The following LCMT1 variants were observed in gnomAD, a reference collection of about 807,000 sequenced individuals.
The protein encoded by LCMT1 is [Phosphatase 2A protein]-leucine-carboxy methyltransferase 1.
In LCMT1, 32 loss-of-function variants were observed where a neutral mutation model predicts 47.7. The ratio of observed to expected loss-of-function variants is 0.67; its 90% confidence interval spans 0.51 to 0.90. The LOEUF (loss-of-function observed/expected upper bound fraction) is 0.90. Among genes scored for constraint, LCMT1 ranks in the 40% least tolerant of loss-of-function variants. LCMT1 has a pLI of 0.00. For missense variants in LCMT1, 375 were observed against 415.2 expected, an observed-to-expected ratio of 0.90 and a Z score of 0.84; for synonymous variants, 152 against 149.7, an observed-to-expected ratio of 1.02 and a Z score of -0.11.
intron 3 of LCMT1, among the ~76,000 whole-genome samples, chr16:25,135,636 C>T (rs1960482726): frequency 6.6e-6 from 1 of 152,138 alleles, no homozygotes; most frequent in South Asian, 2.1e-4. Flanking sequence ...CACCTTCCAG[C>T]CGGAATGGTT....
intron 3 of LCMT1, among the ~76,000 whole-genome samples, chr16:25,134,307 C>T (rs1031618198): frequency 2.6e-5 from 4 of 152,154 alleles, no homozygotes; most frequent in Non-Finnish European, 4.4e-5. Context: ...ATTTCTTTGC[C>T]TCTGCATTCT....
In LCMT1 at chr16:25,131,704, C is replaced by T. The variant is rs79449629; in HGVS notation, c.206-698C>T. Among the ~76,000 whole-genome samples the T allele has an allele frequency of 9.1e-3, 1,386 of 152,212 alleles. 20 individuals carry two copies. The highest frequency in any genetic ancestry group is 0.031 in the African/African-American group (1,276 of 41,528). ...TCTTCTTTATTTCCATCTCCTTTTCCCCAACCCTCCACCCGAAAACTTAAC... is the reference window on the plus strand; with the variant it reads ...TCTTCTTTATTTCCATCTCCTTTTCTCCAACCCTCCACCCGAAAACTTAAC... On this transcript the variant is annotated intron_variant, in intron 2 of 10. Coordinates refer to ENST00000399069, the MANE Select transcript of LCMT1 (RefSeq NM_016309.3).
At chr16:25,134,008 G>A (rs1960430129) in intron 3 of LCMT1, among the ~76,000 whole-genome samples, 1 of 150,438 alleles carries the variant, frequency 6.6e-6, no homozygotes, top group Admixed American at 6.6e-5. Context: ...CTCCAGCCTG[G>A]GCGACGAGTG....
intron 2 of LCMT1, among the ~76,000 whole-genome samples, chr16:25,129,379 C>A (rs372217050): frequency 1.3e-5 from 2 of 151,192 alleles, no homozygotes; most frequent in African/African-American, 4.9e-5. Context: ...TTAATGAATT[C>A]AAAAAAAAGT....
chr16:25,172,006 C>A (rs1961789490), intron 9 of LCMT1, among the ~76,000 whole-genome samples: 1 of 151,926 alleles, frequency 6.6e-6, no homozygotes, highest in South Asian at 2.1e-4. Flanking sequence ...TTGCCATATC[C>A]CATTTAAGGG....
Position 25,178,139 on chromosome 16 carries a change from G to A in LCMT1, c.*116G>A, listed in dbSNP as rs753389428. ...TCCGCAGGTCTCATCCCACACTCTT[G>A]AGAAGCCTTGGTCACTACAGTGGTC... is the stretch of plus-strand genomic sequence containing the variant. On this transcript the variant is annotated 3_prime_UTR_variant, in exon 11 of 11. Transcript: ENST00000399069. 21 of 883,056 alleles carry A rather than the reference G, an allele frequency of 2.4e-5. No individual in the cohort carries two copies. The African/African-American group carries it at 3.4e-4, about 14-fold the overall frequency. 54.7% of individuals were successfully genotyped at this position (883,056 alleles called of 1,614,324 possible).
chr16:25,124,034 A>G (rs764422827), intron 1 of LCMT1, among the ~76,000 whole-genome samples: 19 of 152,196 alleles, frequency 1.2e-4, no homozygotes, highest in Non-Finnish European at 2.4e-4. Context: ...TTACCAGGGA[A>G]TTACTGAGTA....
intron 3 of LCMT1, among the ~76,000 whole-genome samples, chr16:25,135,293 C>CTA (rs753534387): frequency 0.14 from 18,779 of 131,726 alleles, 1,524 homozygotes; most frequent in Non-Finnish European, 0.21. Context: ...AAATATATAT[C>CTA]TATATATATA....
At chr16:25,156,822 C>T (rs1030112904) in intron 5 of LCMT1, among the ~76,000 whole-genome samples, 1 of 152,046 alleles carries the variant, frequency 6.6e-6, no homozygotes, top group Non-Finnish European at 1.5e-5. Context: ...ACCATGTCTT[C>T]TTGTTCATCA....
At chr16:25,130,788 C>G (rs1377973966) in intron 2 of LCMT1, among the ~76,000 whole-genome samples, 1 of 152,192 alleles carries the variant, frequency 6.6e-6, no homozygotes, top group African/African-American at 2.4e-5. Flanking sequence ...GTTTCAGATG[C>G]CTGCCCCTTA....
chr16:25,138,045 G>T (rs958236667), intron 3 of LCMT1, among the ~76,000 whole-genome samples: 1 of 152,168 alleles, frequency 6.6e-6, no homozygotes, highest in Admixed American at 6.5e-5. Flanking sequence ...CAGAAACAAG[G>T]TGTCACCCTA....
At chr16:25,125,561 G>A (rs868195746) in intron 1 of LCMT1, among the ~76,000 whole-genome samples, 11 of 152,068 alleles carry the variant, frequency 7.2e-5, no homozygotes, top group African/African-American at 1.4e-4. Context: ...TGGGTCGGGC[G>A]CGGTGGCTCA....
At chr16:25,134,122 A>T (rs1300845024) in intron 3 of LCMT1, among the ~76,000 whole-genome samples, 2 of 150,412 alleles carry the variant, frequency 1.3e-5, no homozygotes, top group African/African-American at 2.4e-5. Flanking sequence ...CAGGTCCGTC[A>T]TGTGACAGTA....
chr16:25,160,986 A>ATTT lies in LCMT1; in HGVS notation c.467-106_467-104dup, dbSNP rs11408755. On this transcript the variant is annotated intron_variant, in intron 5 of 10. Coordinates refer to ENST00000399069, the MANE Select transcript of LCMT1 (RefSeq NM_016309.3). ...GTTAATTTTTACCCTCCTCTTACGTATTTTTTTTTTTTAACAATGATGCAT... is the reference window on the plus strand; with the variant it reads ...GTTAATTTTTACCCTCCTCTTACGTATTTTTTTTTTTTTTTAACAATGATGCAT... 1,742 of 505,402 alleles carry ATTT rather than the reference A, an allele frequency of 3.4e-3. 17 individuals are homozygous for ATTT. Among genetic ancestry groups the ATTT allele is most frequent in the African/African-American group, 0.03 (1,504 of 50,642 alleles). The allele number at this position is 505,402 out of a possible 1,614,324, so 31.3% of individuals were successfully genotyped here.
intron 9 of LCMT1, among the ~76,000 whole-genome samples, chr16:25,171,698 T>A (rs1040773240): frequency 3.9e-5 from 6 of 152,162 alleles, no homozygotes; most frequent in Non-Finnish European, 8.8e-5. Context: ...GGTTTTTAAA[T>A]GGACTTTTCT....
intron 3 of LCMT1, among the ~76,000 whole-genome samples, chr16:25,139,617 C>T (rs1409629896): frequency 1.3e-5 from 2 of 152,168 alleles, no homozygotes; most frequent in African/African-American, 2.4e-5. Context: ...AAATAATGCT[C>T]GTCAAAACCT....
chr16:25,174,827 T>G lies in LCMT1; in HGVS notation c.885-110T>G, dbSNP rs1336923165. 7 of 465,228 alleles carry G rather than the reference T, an allele frequency of 1.5e-5. No homozygotes were observed. The South Asian group carries it at 2.1e-4, about 14-fold the overall frequency. 28.8% of individuals were successfully genotyped at this position (465,228 alleles called of 1,614,324 possible). ...CCATAATTACTATTTTATAGCCGCCTTCTTTCCACTTAATCTATCATAAAC... is the reference window on the plus strand; with the variant it reads ...CCATAATTACTATTTTATAGCCGCCGTCTTTCCACTTAATCTATCATAAAC... On this transcript the variant is annotated intron_variant, in intron 9 of 10. Transcript: ENST00000399069.
chr16:25,164,477 C>CG, intron 6 of LCMT1, 121 bp from the exon 7 acceptor site: 1 of 1,154,276 alleles, frequency 8.7e-7, no homozygotes, highest in Non-Finnish European at 1.3e-6. Context: ...GCTGTGCTTG[C>CG]TCAGGCCTTC....
At chr16:25,112,582 C>CA (rs1161544433) in intron 1 of LCMT1, among the ~76,000 whole-genome samples, 1 of 152,160 alleles carries the variant, frequency 6.6e-6, no homozygotes, top group African/African-American at 2.4e-5. Context: ...GAATGTCCAC[C>CA]ATTTATTCTT....
Sources: gnomAD v4.1 joint callset for allele counts (sites outside exome capture counted in the v4.1 genomes callset) on GRCh38, gnomAD v4.1.1 for gene constraint, MANE v1.5 for transcripts, NCBI Gene and HGNC (gene_info 2026-07-23, HGNC 2026-07-21) for gene names.